Variants in NEMP1 observed in about 807,000 individuals in gnomAD.
The protein encoded by NEMP1 is transmembrane protein 194.
A neutral mutation model predicts 53.7 loss-of-function variants in NEMP1; 29 were observed. The ratio of observed to expected loss-of-function variants is 0.54; its 90% CI spans 0.40 to 0.74. The LOEUF (loss-of-function observed/expected upper bound fraction) is 0.74. Among genes scored for constraint, NEMP1 ranks in the 30% least tolerant of loss-of-function variants. The pLI, the probability that NEMP1 is intolerant of heterozygous loss-of-function variation, is 0.00. For missense variants in NEMP1, 477 were observed against 528.6 expected (o/e 0.90, Z 0.96); for synonymous variants, 193 against 192.9 (o/e 1.00, Z 0.00).
chr12:57,067,254 G>T (rs563150700), intron 4 of NEMP1, among the ~76,000 whole-genome samples: 3 of 152,080 alleles, frequency 2.0e-5, no homozygotes, highest in Admixed American at 1.3e-4. Context: ...AACCCGGAAG[G>T]TGGAGCTTGC....
chr12:57,064,164 G>A lies in NEMP1; in HGVS notation c.661C>T (p.Leu221=). ...AGAGAAAAAGACCAGCCTCCCACCA[G>A]GATGACGTAAATGGGACTTTTCTAA... ...MPKKSPIYVI[L]VGGWSFSLYL... The change falls in exon 6 of 9, where the codon CTG becomes TTG. Residue 221 remains leucine (L), a synonymous_variant. Transcript: ENST00000300128. The A allele has an allele frequency of 6.2e-6, 10 of 1,608,238 alleles. No homozygotes were observed. Among genetic ancestry groups the A allele is most frequent in the East Asian group, 2.2e-5 (1 of 44,458 alleles).
At chr12:57,083,954 CTGTTTTGTTTTGTTT>C (rs71446598) in intron 1 of NEMP1, among the ~76,000 whole-genome samples, 19 of 144,456 alleles carry the variant, frequency 1.3e-4, no homozygotes, top group East Asian at 2.0e-4. Context: ...TTGTTTTCTT[CTGTTTTGTTTTGTTT>C]TGTTTTGTTT....
chr12:57,064,243 A>C (rs2031965050), intron 5 of NEMP1, 58 bp from the exon 6 acceptor site: 7 of 1,114,582 alleles, frequency 6.3e-6, no homozygotes, highest in African/African-American at 1.6e-5. Context: ...CATACATAAA[A>C]GAAGCAAAAT....
chr12:57,058,966 TCTC>T lies in NEMP1; in HGVS notation c.*910_*912del, dbSNP rs2031662906. 5 of 152,130 alleles carry T rather than the reference TCTC, an allele frequency of 3.3e-5. No individual in the cohort carries two copies. In the South Asian group the frequency reaches 1.0e-3, roughly 32 times the overall value. 9.4% of individuals were successfully genotyped at this position (152,130 alleles called of 1,614,324 possible). A position where few individuals can be genotyped will look rare whatever the true frequency, so the allele number is the denominator to read the frequency against. ...TCCAAATCCCCTAAACAAGATGACTTCTCCTAGCTAGCAGGAATAATGCTACTC... is the reference window on the plus strand; with the variant it reads ...TCCAAATCCCCTAAACAAGATGACTTCTAGCTAGCAGGAATAATGCTACTC... On this transcript the variant is annotated 3_prime_UTR_variant, in exon 9 of 9. Coordinates refer to ENST00000300128, the MANE Select transcript of NEMP1 (RefSeq NM_001130963.2).
intron 6 of NEMP1, among the ~76,000 whole-genome samples, chr12:57,063,765 T>C (rs940624939): frequency 6.6e-5 from 10 of 152,220 alleles, no homozygotes; most frequent in African/African-American, 2.4e-4. Flanking sequence ...TCCCCAAGTA[T>C]ATTTAAAATA....
chr12:57,080,585 G>A (rs1469774686), upstream of NEMP1, among the ~76,000 whole-genome samples: 41 of 137,528 alleles, frequency 3.0e-4, no homozygotes, highest in Non-Finnish European at 2.5e-4. Flanking sequence ...TCTCAAAAGA[G>A]AAAAAAAAAA....
At chr12:57,069,154 G>T in intron 4 of NEMP1, 80 bp downstream of exon 4, 3 of 904,984 alleles carry the variant, frequency 3.3e-6, no homozygotes, top group Non-Finnish European at 3.2e-6. Flanking sequence ...AATGGGAATG[G>T]CAGTACTTAA....
intron 1 of NEMP1, among the ~76,000 whole-genome samples, chr12:57,077,899 T>C (rs1319764030): frequency 2.0e-5 from 3 of 152,034 alleles, no homozygotes; most frequent in African/African-American, 4.8e-5. Flanking sequence ...CTGGCCAACA[T>C]AGTGAAACCC....
At chr12:57,073,655 AAAAT>A (rs889002970) in intron 1 of NEMP1, among the ~76,000 whole-genome samples, 1 of 152,196 alleles carries the variant, frequency 6.6e-6, no homozygotes, top group Non-Finnish European at 1.5e-5. Flanking sequence ...AAAAAAATAA[AAAAT>A]AAATACATAA....
chr12:57,087,538 G>C (rs1261879004), intron 1 of NEMP1, among the ~76,000 whole-genome samples: 1 of 151,882 alleles, frequency 6.6e-6, no homozygotes, highest in East Asian at 1.9e-4. Flanking sequence ...CGGGGCGGGG[G>C]ACTGGGAGAC....
intron 1 of NEMP1, among the ~76,000 whole-genome samples, chr12:57,077,389 T>G (rs1343134442): frequency 2.0e-5 from 3 of 149,576 alleles, no homozygotes; most frequent in Non-Finnish European, 4.4e-5. Context: ...TCCCAGCTAC[T>G]CAGGAGGCTG....
chr12:57,070,812 T>C lies in NEMP1; in HGVS notation c.334A>G (p.Ile112Val), dbSNP rs372400951. ...AAAAAGGAGGAAAAAAAGTTCCAGATACTAAACTGCTCTAGCTCCTTCAGT... is the reference window on the plus strand; with the variant it reads ...AAAAAGGAGGAAAAAAAGTTCCAGACACTAAACTGCTCTAGCTCCTTCAGT... The part of the protein sequence containing the change: ...EKLKELEQFS[I>V]WNFFSSFLKE... Residue 112 changes from isoleucine (I) to valine (V), a missense_variant, in exon 3 of 9, where the codon ATC becomes GTC. Transcript: ENST00000300128. 18 of 1,614,136 alleles carry C rather than the reference T, an allele frequency of 1.1e-5. No individual in the cohort carries two copies. The Admixed American group carries it at 2.8e-4, about 25-fold the overall frequency.
chr12:57,088,446 A>G (rs2033081459), upstream of NEMP1, among the ~76,000 whole-genome samples: 2 of 152,110 alleles, frequency 1.3e-5, no homozygotes, highest in Admixed American at 6.5e-5. Context: ...TGCACACTAT[A>G]CGGGAGTCAG....
chr12:57,079,792 A>G (rs2032789057), upstream of NEMP1, among the ~76,000 whole-genome samples: 1 of 152,058 alleles, frequency 6.6e-6, no homozygotes, highest in Non-Finnish European at 1.5e-5. Context: ...GTTTTTAGAG[A>G]CAGGGTCATT....
At chr12:57,065,358 C>T (rs2032019610) in intron 4 of NEMP1, among the ~76,000 whole-genome samples, 1 of 152,206 alleles carries the variant, frequency 6.6e-6, no homozygotes, top group African/African-American at 2.4e-5. Context: ...AAGCTAGGCA[C>T]TGACTTCTCT....
At chr12:57,083,247 T>A (rs1386843956), upstream of NEMP1, among the ~76,000 whole-genome samples, 2 of 152,186 alleles carry the variant, frequency 1.3e-5, no homozygotes, top group Admixed American at 1.3e-4. Flanking sequence ...ATAAATGAAG[T>A]GTATGGTAAT....
chr12:57,059,666 C>T lies in NEMP1; in HGVS notation c.*213G>A. The T allele has an allele frequency of 2.1e-6, 1 of 477,514 alleles. No individual in the cohort carries two copies. The highest frequency in any genetic ancestry group is 3.7e-6 in the Non-Finnish European group (1 of 267,594). The allele number at this position is 477,514 out of a possible 1,614,324, so 29.6% of individuals were successfully genotyped here. ...GCTTAACCAATGGGAAGTGAACTAC[C>T]CAGCATTCACTACTTTATCCACTCT... On this transcript the variant is annotated 3_prime_UTR_variant, in exon 9 of 9. Coordinates refer to ENST00000300128, the MANE Select transcript of NEMP1 (RefSeq NM_001130963.2).
In NEMP1 at chr12:57,055,755, T is replaced by C. The variant is rs1425230047; in HGVS notation, c.*4124A>G. 6.6e-6 allele frequency: 1 copy of C among 152,228 alleles called. No homozygotes were observed. The highest frequency in any genetic ancestry group is 2.4e-5 in the African/African-American group (1 of 41,462). 9.4% of individuals were successfully genotyped at this position (152,228 alleles called of 1,614,324 possible). A position where few individuals can be genotyped will look rare whatever the true frequency, so the allele number is the denominator to read the frequency against. ...GAAAAGAGGGTGAAAATAAGACCCATGGCAAAGAGCCATCCCTGATAATTT... is the reference window on the plus strand; with the variant it reads ...GAAAAGAGGGTGAAAATAAGACCCACGGCAAAGAGCCATCCCTGATAATTT... On this transcript the variant is annotated 3_prime_UTR_variant, in exon 9 of 9. Coordinates refer to ENST00000300128, the MANE Select transcript of NEMP1 (RefSeq NM_001130963.2).
chr12:57,087,691 C>T (rs1224970076), intron 1 of NEMP1, among the ~76,000 whole-genome samples: 1 of 152,144 alleles, frequency 6.6e-6, no homozygotes, highest in Non-Finnish European at 1.5e-5. Context: ...CCTCGCTAGG[C>T]CACATTGTAA....
Sources: allele counts gnomAD v4.1 joint callset (sites outside exome capture counted in the v4.1 genomes callset), GRCh38; gene constraint gnomAD v4.1.1; transcripts MANE v1.5; gene names NCBI Gene and HGNC (gene_info 2026-07-23, HGNC 2026-07-21).